ROBO1: variants seen among roughly 807,000 people sequenced by gnomAD.
The protein encoded by ROBO1 is roundabout guidance receptor 1.
ROBO1 carries 149 observed loss-of-function variants against 195.9 expected under a neutral mutation model. The ratio of observed to expected loss-of-function variants is 0.76; its 90% CI spans 0.67 to 0.87. The LOEUF (loss-of-function observed/expected upper bound fraction) is 0.87. ROBO1 is among the 40% of genes least tolerant of loss of function. ROBO1 has a pLI of 0.00. For synonymous variants in ROBO1, 816 were observed against 733.2 expected, an observed-to-expected ratio of 1.11 and a Z score of -1.82; for missense variants, 1,933 against 2,068.3, an observed-to-expected ratio of 0.93 and a Z score of 1.27.
At chr3:79,102,226 A>C (rs2079690316) in intron 3 of ROBO1, among the ~76,000 whole-genome samples, 1 of 151,824 alleles carries the variant, frequency 6.6e-6, no homozygotes, top group African/African-American at 2.4e-5. Flanking sequence ...AGGATGTATA[A>C]TTTTGTACCA....
chr3:78,885,483 C>T (rs1267838631), intron 4 of ROBO1, among the ~76,000 whole-genome samples: 4 of 147,770 alleles, frequency 2.7e-5, no homozygotes, highest in South Asian at 2.1e-4. Context: ...ATAAAAGTTC[C>T]CCAAATTCCA....
Position 79,694,205 on chromosome 3 carries a change from T to A in ROBO1, c.-51+73547A>T, listed in dbSNP as rs74563557. Reference sequence around the variant, plus strand: ...CACAAATGCATTCTAGTTATATAAATGTAATACAAATTCCTTACAGAAACA... The same window carrying A: ...CACAAATGCATTCTAGTTATATAAAAGTAATACAAATTCCTTACAGAAACA... On this transcript the variant is annotated intron_variant, in intron 1 of 30. Transcript: ENST00000464233. 9.3e-3 allele frequency among the ~76,000 whole-genome samples: 1,411 copies of A among 151,980 alleles called. 11 individuals are homozygous for A. The highest frequency in any genetic ancestry group is 0.034 in the Middle Eastern group (10 of 294).
chr3:79,748,731 CT>C (rs1212963497), intron 1 of ROBO1, among the ~76,000 whole-genome samples: 3 of 152,090 alleles, frequency 2.0e-5, no homozygotes, highest in African/African-American at 7.2e-5. Context: ...GCTCGGATGG[CT>C]TTAAAAACAG....
chr3:79,509,546 C>A (rs180750676), intron 2 of ROBO1, among the ~76,000 whole-genome samples: 2 of 152,024 alleles, frequency 1.3e-5, no homozygotes, highest in South Asian at 4.2e-4. Context: ...AAAATATTTC[C>A]GCCTTAATAC....
At chr3:79,570,173 T>C (rs1176694633) in intron 2 of ROBO1, among the ~76,000 whole-genome samples, 3 of 152,014 alleles carry the variant, frequency 2.0e-5, no homozygotes, top group African/African-American at 7.3e-5. Flanking sequence ...ACTTAGTATT[T>C]AAATAGGTGA....
intron 5 of ROBO1, among the ~76,000 whole-genome samples, chr3:78,724,939 G>A (rs1035077055): frequency 2.0e-5 from 3 of 152,102 alleles, no homozygotes; most frequent in African/African-American, 7.2e-5. Context: ...TTTGACAGTC[G>A]AATTGTAAAC....
intron 17 of ROBO1, 30 bp downstream of exon 17, chr3:78,659,656 C>A: frequency 7.9e-7 from 1 of 1,270,094 alleles, no homozygotes; most frequent in South Asian, 2.1e-5. Flanking sequence ...CCCATCAGGA[C>A]ATTAATATAT....
intron 4 of ROBO1, among the ~76,000 whole-genome samples, chr3:78,774,615 A>C: frequency 6.6e-6 from 1 of 152,154 alleles, no homozygotes; most frequent in Admixed American, 6.5e-5. Context: ...ATAAAAAAAA[A>C]AAAATCTACC....
intron 4 of ROBO1, among the ~76,000 whole-genome samples, chr3:78,879,643 G>GA (rs57640366): frequency 0.011 from 1,633 of 144,336 alleles, 32 homozygotes; most frequent in African/African-American, 0.037. Flanking sequence ...CCATTTCAGG[G>GA]AAAAAAAAAA....
intron 2 of ROBO1, among the ~76,000 whole-genome samples, chr3:79,193,581 CTTTTTTTTTTTTTT>C (rs869203963): frequency 5.8e-5 from 5 of 85,626 alleles, no homozygotes; most frequent in Non-Finnish European, 1.2e-4. Flanking sequence ...TGTGGTTTTG[CTTTTTTTTTTTTTT>C]TTTTTTTTTG....
intron 2 of ROBO1, among the ~76,000 whole-genome samples, chr3:79,506,954 A>G (rs920398140): frequency 4.0e-5 from 6 of 151,844 alleles, no homozygotes; most frequent in Non-Finnish European, 8.8e-5. Context: ...CTGGAAGGCA[A>G]TTTGTGTCAG....
intron 3 of ROBO1, among the ~76,000 whole-genome samples, chr3:78,969,159 A>C (rs1357865707): frequency 6.6e-6 from 1 of 152,196 alleles, no homozygotes; most frequent in Non-Finnish European, 1.5e-5. Flanking sequence ...TTTCCCTTAA[A>C]TATAAGAAGA....
chr3:79,748,150 T>C (rs1007582840), intron 1 of ROBO1, among the ~76,000 whole-genome samples: 1 of 152,090 alleles, frequency 6.6e-6, no homozygotes, highest in Non-Finnish European at 1.5e-5. Flanking sequence ...TTATTTCAAA[T>C]AACAAATAGT....
intron 18 of ROBO1, among the ~76,000 whole-genome samples, chr3:78,655,013 A>C (rs1340460090): frequency 6.6e-6 from 1 of 152,218 alleles, no homozygotes; most frequent in Non-Finnish European, 1.5e-5. Context: ...ATAAACGTTC[A>C]ACAGATGCAT....
intron 1 of ROBO1, among the ~76,000 whole-genome samples, chr3:79,632,852 A>G (rs1369906001): frequency 1.3e-5 from 2 of 152,046 alleles, no homozygotes; most frequent in African/African-American, 4.8e-5. Flanking sequence ...TCTACAGATA[A>G]AGAGAAAATA....
chr3:78,678,943 C>T (rs965379160), intron 10 of ROBO1, among the ~76,000 whole-genome samples: 35 of 151,998 alleles, frequency 2.3e-4, no homozygotes, highest in African/African-American at 7.3e-4. Flanking sequence ...ACTGGCAAAC[C>T]GAATCCAGTA....
At position 79,278,409 on chromosome 3, in the gene ROBO1, A is replaced by C. The variant is rs866907412; in HGVS notation, c.89-152870T>G. ...ACAAACAAACAAACAAACAAACAAAAAAGCTGGAGGTATCACAAGACCAGA... is the reference window on the plus strand; with the variant it reads ...ACAAACAAACAAACAAACAAACAAACAAGCTGGAGGTATCACAAGACCAGA... On this transcript the variant is annotated intron_variant, in intron 2 of 30. Coordinates refer to ENST00000464233, the MANE Select transcript of ROBO1 (RefSeq NM_002941.4). Among the ~76,000 whole-genome samples the C allele has an allele frequency of 2.1e-5, 3 of 141,998 alleles. No individual in the cohort carries two copies. In the East Asian group the frequency reaches 6.0e-4, roughly 28 times the overall value. 93.2% of individuals were successfully genotyped at this position (141,998 alleles called of 152,430 possible). A position where few individuals can be genotyped will look rare whatever the true frequency, so the allele number is the denominator to read the frequency against.
At chr3:78,953,183 G>C (rs1474721426) in intron 3 of ROBO1, among the ~76,000 whole-genome samples, 1 of 152,016 alleles carries the variant, frequency 6.6e-6, no homozygotes, top group African/African-American at 2.4e-5. Flanking sequence ...ATAGAAGCTA[G>C]AAGGGCAATA....
chr3:79,055,561 C>A (rs183003097), intron 3 of ROBO1, among the ~76,000 whole-genome samples: 81 of 152,158 alleles, frequency 5.3e-4, no homozygotes, highest in African/African-American at 1.8e-3. Context: ...AGGTACAATT[C>A]AGCCTTATAT....
Sources: allele counts gnomAD v4.1 joint callset (sites outside exome capture counted in the v4.1 genomes callset), GRCh38; gene constraint gnomAD v4.1.1; transcripts MANE v1.5; gene names NCBI Gene and HGNC (gene_info 2026-07-23, HGNC 2026-07-21).